Variants in FBXL17 observed in about 807,000 individuals in gnomAD.
The protein encoded by FBXL17 is F-box/LRR-repeat protein 17.
FBXL17 carries 22 observed loss-of-function variants against 66.2 expected under a neutral mutation model. That is an observed-to-expected ratio of 0.33 (90% CI 0.24 to 0.47). The LOEUF (loss-of-function observed/expected upper bound fraction) is 0.47. FBXL17 is among the 20% of genes least tolerant of loss of function. The probability of loss-of-function intolerance (pLI) is 1.00; values close to 1 mark genes in which losing one functional copy is unlikely to be tolerated. For synonymous variants in FBXL17, 474 were observed against 400.5 expected (o/e 1.18, Z -2.19); for missense variants, 878 against 948.2 (o/e 0.93, Z 0.97).
rs1757482970 is a variant in FBXL17 at position 108,276,367 on chromosome 5, C to T, written c.1507-52139G>A. Among the ~76,000 whole-genome samples, 4 of 152,238 alleles carry T rather than the reference C, an allele frequency of 2.6e-5. No individual in the cohort carries two copies. The South Asian group carries it at 8.3e-4, about 32-fold the overall frequency. On this transcript the variant is annotated intron_variant, in intron 4 of 8. Coordinates refer to ENST00000542267, the MANE Select transcript of FBXL17 (RefSeq NM_001163315.3). ...AAATCCTTGCTGTGATGATTGATTG[C>T]ATTTTTCCTTGCTTCAGTTACTGCA...
intron 4 of FBXL17, among the ~76,000 whole-genome samples, chr5:108,275,323 G>A (rs1009370107): frequency 6.6e-6 from 1 of 152,030 alleles, no homozygotes; most frequent in African/African-American, 2.4e-5. Context: ...TGTTTTGGAG[G>A]GGTTTTTAAC....
intron 6 of FBXL17, among the ~76,000 whole-genome samples, chr5:108,125,669 G>A (rs986390195): frequency 1.3e-5 from 2 of 151,968 alleles, no homozygotes; most frequent in African/African-American, 4.8e-5. Flanking sequence ...GCTTGGGTGG[G>A]ATATGTTAAT....
chr5:107,862,925 A>C (rs1239508912), intron 8 of FBXL17, among the ~76,000 whole-genome samples: 2 of 151,422 alleles, frequency 1.3e-5, no homozygotes, highest in Admixed American at 6.6e-5. Context: ...GTGATCTAGA[A>C]AACTATGTTA....
At chr5:107,937,519 G>A (rs1352135093) in intron 7 of FBXL17, among the ~76,000 whole-genome samples, 1 of 152,168 alleles carries the variant, frequency 6.6e-6, no homozygotes, top group Non-Finnish European at 1.5e-5. Context: ...TTACTGCAGA[G>A]TAAATCCAGT....
chr5:108,128,698 G>A (rs780226476), intron 6 of FBXL17, among the ~76,000 whole-genome samples: 3 of 151,914 alleles, frequency 2.0e-5, no homozygotes, highest in Non-Finnish European at 4.4e-5. Context: ...AAGATCTACA[G>A]CACAATTTTA....
chr5:108,220,207 C>A (rs1189822236), intron 5 of FBXL17, among the ~76,000 whole-genome samples: 7 of 151,788 alleles, frequency 4.6e-5, no homozygotes, highest in African/African-American at 1.5e-4. Flanking sequence ...GAGGGTCATC[C>A]ACAAATCCCT....
chr5:108,262,086 A>T (rs11361146), intron 4 of FBXL17, among the ~76,000 whole-genome samples: 105,443 of 141,490 alleles, frequency 0.75, 39,539 homozygotes, highest in East Asian at 0.92. Flanking sequence ...TTATTTATTT[A>T]TTTTTTTTGA....
chr5:108,154,652 T>C (rs552430765), intron 6 of FBXL17, among the ~76,000 whole-genome samples: 3 of 132,854 alleles, frequency 2.3e-5, no homozygotes, highest in African/African-American at 8.1e-5. Context: ...CACACACATA[T>C]ATGTATATAC....
chr5:107,989,387 T>G lies in FBXL17; in HGVS notation c.1822+31538A>C, dbSNP rs181244976. 3.9e-5 allele frequency among the ~76,000 whole-genome samples: 6 copies of G among 152,260 alleles called. No homozygotes were observed. The East Asian group carries it at 1.2e-3, about 29-fold the overall frequency. ...ACATATGAGTAAGATCATGTGATAT[T>G]TGTCTTTCTGTGCCTGGTTTATTTC... is the stretch of plus-strand genomic sequence containing the variant. On this transcript the variant is annotated intron_variant, in intron 7 of 8. Coordinates refer to ENST00000542267, the MANE Select transcript of FBXL17 (RefSeq NM_001163315.3).
chr5:108,108,008 G>A (rs1025250230), intron 6 of FBXL17, among the ~76,000 whole-genome samples: 1 of 151,850 alleles, frequency 6.6e-6, no homozygotes, highest in African/African-American at 2.4e-5. Flanking sequence ...TCTCTGATTT[G>A]GTCTGGCTAT....
intron 4 of FBXL17, among the ~76,000 whole-genome samples, chr5:108,310,954 G>C (rs1317016536): frequency 6.6e-6 from 1 of 152,068 alleles, no homozygotes; most frequent in Non-Finnish European, 1.5e-5. Flanking sequence ...CTGCCAAAAT[G>C]CCAGCAAACT....
At chr5:107,985,088 C>T (rs1342676605) in intron 7 of FBXL17, among the ~76,000 whole-genome samples, 2 of 152,106 alleles carry the variant, frequency 1.3e-5, no homozygotes, top group Non-Finnish European at 2.9e-5. Flanking sequence ...CTAGTTTCAT[C>T]TAGTTTAAAC....
intron 7 of FBXL17, among the ~76,000 whole-genome samples, chr5:107,940,077 A>T (rs778307489): frequency 7.9e-5 from 12 of 152,184 alleles, no homozygotes; most frequent in Non-Finnish European, 1.6e-4. Flanking sequence ...AAGTAGGCCA[A>T]GAGTATTATT....
At chr5:108,057,278 C>T (rs1320688073) in intron 6 of FBXL17, among the ~76,000 whole-genome samples, 2 of 151,860 alleles carry the variant, frequency 1.3e-5, no homozygotes. Flanking sequence ...ATTAAAATAG[C>T]CAGAGCAAAA....
chr5:108,299,666 A>G, intron 4 of FBXL17: 1 of 981,202 alleles, frequency 1.0e-6, no homozygotes, highest in Non-Finnish European at 1.2e-6. Flanking sequence ...AAAAAAAAAA[A>G]GGCCAGCCTG....
intron 7 of FBXL17, among the ~76,000 whole-genome samples, chr5:108,007,857 G>A (rs1450265272): frequency 6.6e-6 from 1 of 152,150 alleles, no homozygotes; most frequent in Non-Finnish European, 1.5e-5. Context: ...TCAGGTTTGT[G>A]CTGTTTGGTG....
intron 4 of FBXL17, among the ~76,000 whole-genome samples, chr5:108,275,517 G>C (rs1757448467): frequency 6.6e-6 from 1 of 152,104 alleles, no homozygotes; most frequent in South Asian, 2.1e-4. Flanking sequence ...CCACTAAATA[G>C]GTCAAATGTT....
chr5:108,161,729 A>T (rs901757550), intron 6 of FBXL17, among the ~76,000 whole-genome samples: 3 of 152,252 alleles, frequency 2.0e-5, no homozygotes, highest in African/African-American at 7.2e-5. Flanking sequence ...TGGTTGCAAT[A>T]GGAATTTTTA....
At chr5:108,245,117 G>T (rs1319832068) in intron 4 of FBXL17, among the ~76,000 whole-genome samples, 1 of 152,070 alleles carries the variant, frequency 6.6e-6, no homozygotes, top group Non-Finnish European at 1.5e-5. Flanking sequence ...GATATGAATA[G>T]ACTTGATTTA....
Sources: gnomAD v4.1 joint callset for allele counts (sites outside exome capture counted in the v4.1 genomes callset) on GRCh38, gnomAD v4.1.1 for gene constraint, MANE v1.5 for transcripts, NCBI Gene and HGNC (gene_info 2026-07-23, HGNC 2026-07-21) for gene names.